VGLL4: variants seen among roughly 807,000 people sequenced by gnomAD.
VGLL4 encodes vestigial like family member 4.
VGLL4 carries 7 observed loss-of-function variants against 21.0 expected under a neutral mutation model. That is an observed-to-expected ratio of 0.33 (90% CI 0.19 to 0.63). The LOEUF (loss-of-function observed/expected upper bound fraction) is 0.63, where lower values mean the gene tolerates loss of function less well. VGLL4 is among the 20% of genes least tolerant of loss of function. VGLL4 has a pLI of 0.78. For missense variants in VGLL4, 394 were observed against 425.7 expected (o/e 0.93, Z 0.66); for synonymous variants, 222 against 173.2 (o/e 1.28, Z -2.21).
chr3:11,578,198 C>G (rs1358269143), intron 2 of VGLL4, among the ~76,000 whole-genome samples: 1 of 152,234 alleles, frequency 6.6e-6, no homozygotes, highest in East Asian at 1.9e-4. Flanking sequence ...TAGGCACTTC[C>G]ACACCCATGT....
At position 11,656,305 on chromosome 3, in the gene VGLL4, C is replaced by T. The variant is rs562206164; in HGVS notation, c.64+46666G>A. On this transcript the variant is annotated intron_variant, in intron 2 of 5. Coordinates refer to the VGLL4 transcript ENST00000273038. The stretch of plus-strand genomic sequence containing the variant: ...GGAAGCAGGCCTCTGTGGAAAGTGA[C>T]ATCTGATTAAGTTTGAGGTGTGCCT... Among the ~76,000 whole-genome samples the T allele has an allele frequency of 3.3e-5, 5 of 152,308 alleles. No individual in the cohort carries two copies. The East Asian group carries it at 9.6e-4, about 29-fold the overall frequency.
intron 2 of VGLL4, among the ~76,000 whole-genome samples, chr3:11,662,248 A>T (rs1228549405): frequency 1.3e-5 from 2 of 152,208 alleles, no homozygotes; most frequent in Admixed American, 6.5e-5. Flanking sequence ...CCCGAAGCCC[A>T]CCAGACCTTC....
intron 2 of VGLL4, among the ~76,000 whole-genome samples, chr3:11,595,625 G>A (rs1031800996): frequency 6.6e-6 from 1 of 152,066 alleles, no homozygotes; most frequent in Non-Finnish European, 1.5e-5. Context: ...AGAAAATGTG[G>A]CACATATACA....
At chr3:11,603,743 G>A (rs1028439129) in intron 1 of VGLL4, among the ~76,000 whole-genome samples, 1 of 152,070 alleles carries the variant, frequency 6.6e-6, no homozygotes, top group Non-Finnish European at 1.5e-5. Flanking sequence ...AGGAGTCCTC[G>A]GGCTTGGACC....
At chr3:11,561,891 C>CTTTTT (rs35380668) in intron 3 of VGLL4, among the ~76,000 whole-genome samples, 20 of 88,582 alleles carry the variant, frequency 2.3e-4, no homozygotes, top group African/African-American at 7.9e-4. Context: ...CTGCGCCAAA[C>CTTTTT]TTTTTTTTTT....
At chr3:11,660,190 C>G (rs1319753355) in intron 2 of VGLL4, among the ~76,000 whole-genome samples, 1 of 152,110 alleles carries the variant, frequency 6.6e-6, no homozygotes, top group African/African-American at 2.4e-5. Flanking sequence ...TCCCATCCTG[C>G]CAGCCAGCAG....
chr3:11,573,265 A>AAG (rs1257539040), intron 2 of VGLL4, among the ~76,000 whole-genome samples: 7 of 9,196 alleles, frequency 7.6e-4, no homozygotes, highest in African/African-American at 5.7e-3. Flanking sequence ...GAAAGAAAGA[A>AAG]AGAAAGAAAG....
chr3:11,626,812 CAA>C (rs2075359647), intron 1 of VGLL4, among the ~76,000 whole-genome samples: 1 of 152,078 alleles, frequency 6.6e-6, no homozygotes, highest in Non-Finnish European at 1.5e-5. Flanking sequence ...GCATGATAAC[CAA>C]AAGTGTCTCA....
chr3:11,657,107 A>G (rs971748644), intron 2 of VGLL4, among the ~76,000 whole-genome samples: 2 of 152,166 alleles, frequency 1.3e-5, no homozygotes, highest in Admixed American at 6.5e-5. Context: ...TCCAGTTCCC[A>G]GGCCATAACC....
chr3:11,629,000 T>G (rs1007042808), intron 1 of VGLL4, among the ~76,000 whole-genome samples: 2 of 152,046 alleles, frequency 1.3e-5, no homozygotes, highest in East Asian at 3.8e-4. Context: ...ATATCCTTAA[T>G]GACCAACTAC....
chr3:11,600,318 G>C (rs2074761473), intron 2 of VGLL4, among the ~76,000 whole-genome samples: 1 of 151,518 alleles, frequency 6.6e-6, no homozygotes. Context: ...TTTAAATTAA[G>C]GCATGTTTGT....
At chr3:11,559,999 C>T (rs954513099) in intron 3 of VGLL4, among the ~76,000 whole-genome samples, 4 of 152,116 alleles carry the variant, frequency 2.6e-5, no homozygotes, top group African/African-American at 7.2e-5. Flanking sequence ...AAGTGTGGAA[C>T]GGCACACATC....
At position 11,693,994 on chromosome 3, in the gene VGLL4, G is replaced by A. The variant is rs182459640; in HGVS notation, c.64+8977C>T. 1.7e-3 allele frequency among the ~76,000 whole-genome samples: 263 copies of A among 152,198 alleles called. 3 individuals are homozygous for A. The highest frequency in any genetic ancestry group is 6.0e-3 in the African/African-American group (248 of 41,524). On this transcript the variant is annotated intron_variant, in intron 2 of 5. Transcript: ENST00000273038. ...TAGGTTTCACAGCCAGGCTGCTTCC[G>A]TTCAATTCTCAGCACTGCCACAACC...
intron 2 of VGLL4, among the ~76,000 whole-genome samples, chr3:11,566,492 G>A (rs2073530394): frequency 6.6e-6 from 1 of 152,198 alleles, no homozygotes; most frequent in South Asian, 2.1e-4. Context: ...AGCCCTTAGT[G>A]AATGTTTTTA....
intron 1 of VGLL4, among the ~76,000 whole-genome samples, chr3:11,715,486 A>G (rs1048545783): frequency 1.3e-5 from 2 of 152,038 alleles, no homozygotes; most frequent in Non-Finnish European, 2.9e-5. Context: ...GGTGCCCACC[A>G]CCATGCCCAG....
upstream of VGLL4, among the ~76,000 whole-genome samples, chr3:11,645,198 A>C (rs1465908772): frequency 7.0e-6 from 1 of 141,938 alleles, no homozygotes. Context: ...AGAAAAAAAA[A>C]AAACAAAAAC....
intron 2 of VGLL4, among the ~76,000 whole-genome samples, chr3:11,588,867 G>T (rs1327147491): frequency 6.6e-6 from 1 of 152,190 alleles, no homozygotes; most frequent in Non-Finnish European, 1.5e-5. Flanking sequence ...GGATCTATGG[G>T]GTGTGAAGGC....
At chr3:11,591,104 C>T (rs1480274179) in intron 2 of VGLL4, among the ~76,000 whole-genome samples, 3 of 152,154 alleles carry the variant, frequency 2.0e-5, no homozygotes, top group African/African-American at 4.8e-5. Context: ...GAAGCATCTT[C>T]GCGAAGACAG....
At chr3:11,681,811 C>G (rs1417134179) in intron 2 of VGLL4, among the ~76,000 whole-genome samples, 1 of 152,182 alleles carries the variant, frequency 6.6e-6, no homozygotes, top group Non-Finnish European at 1.5e-5. Context: ...GAGTAAGATT[C>G]GAGAAGGGCG....
Sources: gnomAD v4.1 joint callset for allele counts (sites outside exome capture counted in the v4.1 genomes callset) on GRCh38, gnomAD v4.1.1 for gene constraint, MANE v1.5 for transcripts, NCBI Gene and HGNC (gene_info 2026-07-23, HGNC 2026-07-21) for gene names.